ANO2: variants seen among roughly 807,000 people sequenced by gnomAD.
ANO2 encodes the protein anoctamin-2.
Under a neutral mutation model 124.2 loss-of-function variants are expected in ANO2, and 101 were observed. The ratio of observed to expected loss-of-function variants is 0.81; its 90% CI spans 0.69 to 0.96. The LOEUF (loss-of-function observed/expected upper bound fraction) is 0.96, where lower values mean the gene tolerates loss of function less well. Among genes scored for constraint, ANO2 ranks in the 40% least tolerant of loss-of-function variants. ANO2 has a pLI of 0.00. For missense variants in ANO2, 1,293 were observed against 1,274.5 expected (o/e 1.01, Z -0.22); for synonymous variants, 486 against 482.5 (o/e 1.01, Z -0.09).
chr12:5,596,244 T>C (rs930932534), intron 20 of ANO2, among the ~76,000 whole-genome samples: 2 of 152,172 alleles, frequency 1.3e-5, no homozygotes, highest in African/African-American at 2.4e-5. Flanking sequence ...CACTGGAAGA[T>C]AGGCAAGTGA....
intron 14 of ANO2, among the ~76,000 whole-genome samples, chr12:5,686,390 C>T (rs1054574834): frequency 1.4e-4 from 22 of 152,196 alleles, no homozygotes; most frequent in African/African-American, 5.3e-4. Flanking sequence ...CTCTTTCCCT[C>T]CCAAATATTT....
At chr12:5,701,418 C>T (rs1949401748) in intron 14 of ANO2, among the ~76,000 whole-genome samples, 1 of 151,954 alleles carries the variant, frequency 6.6e-6, no homozygotes. Flanking sequence ...TATCCATTTC[C>T]TTGGTTTTCC....
intron 4 of ANO2, among the ~76,000 whole-genome samples, chr12:5,842,565 C>T (rs927885411): frequency 6.6e-6 from 1 of 152,198 alleles, no homozygotes; most frequent in Non-Finnish European, 1.5e-5. Context: ...AGCACGCCAC[C>T]ACCACTGGGT....
intron 3 of ANO2, among the ~76,000 whole-genome samples, chr12:5,918,697 C>T (rs1311330006): frequency 6.6e-6 from 1 of 152,124 alleles, no homozygotes; most frequent in East Asian, 1.9e-4. Flanking sequence ...CCTCAGCCTC[C>T]CAAAGTGCTT....
intron 3 of ANO2, among the ~76,000 whole-genome samples, chr12:5,875,870 G>A (rs1312360342): frequency 6.6e-6 from 1 of 151,878 alleles, no homozygotes; most frequent in African/African-American, 2.4e-5. Context: ...ATTTCAAGAG[G>A]TCAGGAAAAT....
chr12:5,621,336 T>A (rs563061040), intron 16 of ANO2, among the ~76,000 whole-genome samples: 3 of 152,224 alleles, frequency 2.0e-5, no homozygotes, highest in South Asian at 2.1e-4. Flanking sequence ...TGAAAAAAAA[T>A]TTTGTCCCAT....
chr12:5,901,829 T>C (rs1353098056), intron 3 of ANO2, among the ~76,000 whole-genome samples: 1 of 152,198 alleles, frequency 6.6e-6, no homozygotes, highest in Non-Finnish European at 1.5e-5. Context: ...TTTCCAATCC[T>C]GTTGCTCCAT....
chr12:5,691,347 AGAAG>A (rs1245088712), intron 14 of ANO2, among the ~76,000 whole-genome samples: 8 of 69,668 alleles, frequency 1.1e-4, no homozygotes, highest in South Asian at 6.5e-4. Flanking sequence ...AAAAAAAAAA[AGAAG>A]AAGAAGAAGA....
chr12:5,786,450 G>A (rs998097756), intron 10 of ANO2, among the ~76,000 whole-genome samples: 1 of 152,154 alleles, frequency 6.6e-6, no homozygotes, highest in Non-Finnish European at 1.5e-5. Context: ...AGAGGCCTCA[G>A]ACATGATATC....
At chr12:5,782,783 G>A (rs1952438412) in intron 10 of ANO2, among the ~76,000 whole-genome samples, 1 of 152,192 alleles carries the variant, frequency 6.6e-6, no homozygotes, top group Admixed American at 6.5e-5. Context: ...TTGGCTATAA[G>A]GCAACAGGGT....
intron 10 of ANO2, among the ~76,000 whole-genome samples, chr12:5,754,092 A>C (rs1951512582): frequency 6.6e-6 from 1 of 152,124 alleles, no homozygotes; most frequent in Admixed American, 6.5e-5. Context: ...TTCCATTCCT[A>C]ACTTGTTGAG....
rs376766204 is a variant in ANO2, at chr12:5,878,304, G to A, written c.535-24163C>T. On this transcript the variant is annotated intron_variant, in intron 3 of 24. Coordinates refer to ENST00000682330, the MANE Select transcript of ANO2 (RefSeq NM_001364791.2). ...GAAGAAACTGAGGCTCAGAGAGGTTGACTCATCTGGTGAGGATCACACATT... is the reference window on the plus strand; with the variant it reads ...GAAGAAACTGAGGCTCAGAGAGGTTAACTCATCTGGTGAGGATCACACATT... Among the ~76,000 whole-genome samples the A allele has an allele frequency of 1.9e-4, 29 of 152,212 alleles. 1 individual carries two copies. In the East Asian group the frequency reaches 3.5e-3, roughly 18 times the overall value.
intron 10 of ANO2, among the ~76,000 whole-genome samples, chr12:5,776,057 A>G (rs1202961645): frequency 6.6e-6 from 1 of 152,200 alleles, no homozygotes; most frequent in African/African-American, 2.4e-5. Flanking sequence ...TCCACCCTCT[A>G]TCTCCAAACC....
intron 10 of ANO2, among the ~76,000 whole-genome samples, chr12:5,779,622 G>A (rs1952326418): frequency 6.6e-6 from 1 of 152,184 alleles, no homozygotes; most frequent in Admixed American, 6.6e-5. Context: ...CCTCACAGTG[G>A]AGGAATCTGG....
intron 14 of ANO2, among the ~76,000 whole-genome samples, chr12:5,692,092 T>C (rs1047818751): frequency 2.0e-5 from 3 of 152,090 alleles, no homozygotes; most frequent in African/African-American, 4.8e-5. Context: ...GTATGGAGAC[T>C]AGACTCTAAG....
At chr12:5,792,364 C>A (rs1328493190) in intron 10 of ANO2, among the ~76,000 whole-genome samples, 1 of 152,174 alleles carries the variant, frequency 6.6e-6, no homozygotes, top group African/African-American at 2.4e-5. Flanking sequence ...TTGTTTAAGT[C>A]CGACTTTATA....
chr12:5,723,967 C>A (rs1023597153), intron 14 of ANO2, among the ~76,000 whole-genome samples: 1 of 152,078 alleles, frequency 6.6e-6, no homozygotes, highest in Non-Finnish European at 1.5e-5. Flanking sequence ...GACTCCCCAA[C>A]CGCCCTTCAG....
intron 14 of ANO2, among the ~76,000 whole-genome samples, chr12:5,661,157 G>A (rs891627433): frequency 5.9e-5 from 9 of 152,024 alleles, no homozygotes; most frequent in Non-Finnish European, 1.0e-4. Context: ...TCACAAAGAC[G>A]TCTACAACGG....
chr12:5,731,349 AG>A (rs1950624841), intron 14 of ANO2, among the ~76,000 whole-genome samples: 1 of 148,420 alleles, frequency 6.7e-6, no homozygotes, highest in African/African-American at 2.5e-5. Context: ...GTTCTGTTTA[AG>A]TTCTGTTTTC....
Sources: allele counts gnomAD v4.1 joint callset (sites outside exome capture counted in the v4.1 genomes callset), GRCh38; gene constraint gnomAD v4.1.1; transcripts MANE v1.5; gene names NCBI Gene and HGNC (gene_info 2026-07-23, HGNC 2026-07-21).